Variants in MARCHF6 observed in about 807,000 individuals in gnomAD.
The protein encoded by MARCHF6 is membrane associated ring-CH-type finger 6.
A neutral mutation model predicts 133.7 loss-of-function variants in MARCHF6; 31 were observed. That is an observed-to-expected ratio of 0.23 (90% CI 0.17 to 0.31). The LOEUF (loss-of-function observed/expected upper bound fraction) is 0.31, where lower values mean the gene tolerates loss of function less well. MARCHF6 is among the 10% of genes least tolerant of loss of function. The pLI, the probability that MARCHF6 is intolerant of heterozygous loss-of-function variation, is 1.00. For synonymous variants in MARCHF6, 395 were observed against 402.5 expected (o/e 0.98, Z 0.22); for missense variants, 723 against 1,121.6 (o/e 0.64, Z 5.08).
chr5:10,400,964 G>A (rs1738494171), intron 11 of MARCHF6, 122 bp downstream of exon 11: 3 of 721,814 alleles, frequency 4.2e-6, no homozygotes, highest in Admixed American at 2.5e-5. Context: ...GAATAGTTAG[G>A]CAATACCGTC....
chr5:10,415,441 C>T, intron 20 of MARCHF6, 47 bp from the exon 21 acceptor site: 1 of 1,518,876 alleles, frequency 6.6e-7, no homozygotes, highest in Non-Finnish European at 9.1e-7. Flanking sequence ...GATGACAATT[C>T]TCTTTACCTA....
At chr5:10,409,392 G>T (rs935044229) in intron 17 of MARCHF6, among the ~76,000 whole-genome samples, 1 of 152,206 alleles carries the variant, frequency 6.6e-6, no homozygotes, top group Admixed American at 6.5e-5. Context: ...GAGCCACGTG[G>T]ATCCCTGAAG....
chr5:10,393,825 C>T (rs1306304923), intron 7 of MARCHF6, among the ~76,000 whole-genome samples: 2 of 152,168 alleles, frequency 1.3e-5, no homozygotes, highest in African/African-American at 4.8e-5. Flanking sequence ...TCCTCTCTTT[C>T]AGATAACCTT....
At position 10,423,769 on chromosome 5, in the gene MARCHF6, T is replaced by C. The variant is rs1431774708; in HGVS notation, c.2318T>C (p.Ile773Thr). 1.2e-6 allele frequency: 2 copies of C among 1,613,784 alleles called. No homozygotes were observed. The highest frequency in any genetic ancestry group is 2.2e-5 in the South Asian group (2 of 91,042). ...CTTGGAGTCCTGCATGCCAAAATCA[T>C]TGCAGCTATAACATTGATGGGTCCT... is the stretch of plus-strand genomic sequence containing the variant. ...WALGVLHAKI[I>T]AAITLMGPQW... The change falls in exon 23 of 26, where the codon ATT becomes ACT. Residue 773 changes from isoleucine (I) to threonine (T), a missense_variant. Coordinates refer to ENST00000274140, the MANE Select transcript of MARCHF6 (RefSeq NM_005885.4).
Position 10,407,182 on chromosome 5 carries a change from A to G in MARCHF6, c.1533A>G (p.Pro511=). The G allele has an allele frequency of 1.9e-6, 3 of 1,609,144 alleles. No individual in the cohort carries two copies. Among genetic ancestry groups the G allele is most frequent in the Non-Finnish European group, 1.7e-6 (2 of 1,176,112 alleles). The part of the protein sequence containing the change: ...IIKSVLPNFL[P]YNVMLYSDAP... ...AGAGTGTGCTGCCTAATTTTCTTCCATACAATGTCATGCTCTACAGGTAAG... is the reference window on the plus strand; with the variant it reads ...AGAGTGTGCTGCCTAATTTTCTTCCGTACAATGTCATGCTCTACAGGTAAG... The change falls in exon 17 of 26, where the codon CCA becomes CCG. Residue 511 remains proline, a synonymous_variant. Coordinates refer to ENST00000274140, the MANE Select transcript of MARCHF6 (RefSeq NM_005885.4).
intron 3 of MARCHF6, among the ~76,000 whole-genome samples, chr5:10,380,887 A>G (rs916761357): frequency 6.6e-6 from 1 of 150,958 alleles, no homozygotes; most frequent in African/African-American, 2.4e-5. Context: ...AGATTATGCC[A>G]CCGCACTCCA....
At chr5:10,401,114 G>A in intron 11 of MARCHF6, 1 of 361,284 alleles carries the variant, frequency 2.8e-6, no homozygotes, top group Non-Finnish European at 5.1e-6. Context: ...CTGATTTTCT[G>A]TCCATCTCAA....
chr5:10,368,457 A>G (rs1251833947), intron 1 of MARCHF6, among the ~76,000 whole-genome samples: 1 of 152,138 alleles, frequency 6.6e-6, no homozygotes, highest in Non-Finnish European at 1.5e-5. Context: ...ACGTGGTGAT[A>G]GAGAGACCCT....
intron 19 of MARCHF6, 40 bp downstream of exon 19, chr5:10,411,577 T>A (rs769296394): frequency 7.2e-6 from 11 of 1,534,144 alleles, no homozygotes; most frequent in African/African-American, 1.4e-5. Context: ...AGAGGTTTTT[T>A]TGGTTTTTTT....
At chr5:10,424,119 A>C (rs1003842270) in intron 23 of MARCHF6, among the ~76,000 whole-genome samples, 3 of 152,198 alleles carry the variant, frequency 2.0e-5, no homozygotes, top group Non-Finnish European at 2.9e-5. Context: ...ATACATGGAG[A>C]TACCCAGGGA....
intron 23 of MARCHF6, among the ~76,000 whole-genome samples, chr5:10,425,872 A>G (rs989106016): frequency 6.6e-6 from 1 of 152,120 alleles, no homozygotes; most frequent in Admixed American, 6.5e-5. Flanking sequence ...TGCTTTTTTT[A>G]TATTCACTAT....
At chr5:10,360,696 C>T (rs1235966615) in intron 1 of MARCHF6, among the ~76,000 whole-genome samples, 1 of 152,190 alleles carries the variant, frequency 6.6e-6, no homozygotes, top group Non-Finnish European at 1.5e-5. Context: ...ATCTCACTGG[C>T]TCATCTTGGG....
chr5:10,372,162 T>G (rs1736510619), intron 1 of MARCHF6, among the ~76,000 whole-genome samples: 1 of 152,148 alleles, frequency 6.6e-6, no homozygotes, highest in Admixed American at 6.5e-5. Flanking sequence ...ATTTTGGATT[T>G]TGATGTTTTC....
At position 10,363,021 on chromosome 5, in the gene MARCHF6, G is replaced by A. The variant is rs189481252; in HGVS notation, c.19+9104G>A. 1.3e-3 allele frequency among the ~76,000 whole-genome samples: 195 copies of A among 152,182 alleles called. 2 individuals are homozygous for A. Among genetic ancestry groups the A allele is most frequent in the Non-Finnish European group, 3.1e-4 (21 of 67,964 alleles). The stretch of plus-strand genomic sequence containing the variant: ...AAAAAAGAACTTTGAGCTATAGCTT[G>A]TACCATATACCAAAATTAACTCAAA... On this transcript the variant is annotated intron_variant, in intron 1 of 25. Coordinates refer to ENST00000274140, the MANE Select transcript of MARCHF6 (RefSeq NM_005885.4).
intron 5 of MARCHF6, 89 bp from the exon 6 acceptor site, chr5:10,390,243 G>A: frequency 3.6e-6 from 3 of 830,212 alleles, no homozygotes; most frequent in Admixed American, 3.0e-5. Flanking sequence ...TTTTTTTTCT[G>A]AGACTTTAGT....
chr5:10,383,193 G>GA (rs1268573388), intron 4 of MARCHF6, among the ~76,000 whole-genome samples: 2 of 152,182 alleles, frequency 1.3e-5, no homozygotes, highest in African/African-American at 4.8e-5. Context: ...GAGTTAGCTA[G>GA]AAAATGTATC....
chr5:10,372,522 A>G (rs1736532730), intron 1 of MARCHF6, among the ~76,000 whole-genome samples: 1 of 44,184 alleles, frequency 2.3e-5, no homozygotes, highest in Non-Finnish European at 7.3e-5. Context: ...TCCCTTTAGG[A>G]TTATTTTTTT....
chr5:10,420,363 A>T (rs953286220), intron 22 of MARCHF6, among the ~76,000 whole-genome samples: 5 of 152,186 alleles, frequency 3.3e-5, no homozygotes, highest in African/African-American at 4.8e-5. Flanking sequence ...TGCAGTGTGA[A>T]AGTGGTTATT....
chr5:10,409,869 G>A (rs1399933422), intron 17 of MARCHF6, among the ~76,000 whole-genome samples: 2 of 152,106 alleles, frequency 1.3e-5, no homozygotes, highest in Non-Finnish European at 2.9e-5. Context: ...AGGAAGGAGT[G>A]ACCTTTTGTG....
Sources: gnomAD v4.1 joint callset for allele counts (sites outside exome capture counted in the v4.1 genomes callset) on GRCh38, gnomAD v4.1.1 for gene constraint, MANE v1.5 for transcripts, NCBI Gene and HGNC (gene_info 2026-07-23, HGNC 2026-07-21) for gene names.